The following HDX variants were observed in gnomAD, a reference collection of about 807,000 sequenced individuals.
The protein encoded by HDX is highly divergent homeobox, also known as chromosome X open reading frame 43.
A neutral mutation model predicts 45.2 loss-of-function variants in HDX; 19 were observed. The observed-to-expected ratio is 0.42, with a 90% CI of 0.29 to 0.62. HDX has a LOEUF of 0.62. Among genes scored for constraint, HDX ranks in the 20% least tolerant of loss-of-function variants. The probability of loss-of-function intolerance (pLI) is 0.20; values close to 1 mark genes in which losing one functional copy is unlikely to be tolerated. For synonymous variants in HDX, 188 were observed against 172.8 expected (o/e 1.09, Z -0.69); for missense variants, 532 against 493.9 (o/e 1.08, Z -0.73).
chrX:84,501,852 T>A (rs1425937509), intron 1 of HDX, among the ~76,000 whole-genome samples: 2 of 110,984 alleles, frequency 1.8e-5, no homozygotes, highest in African/African-American at 6.7e-5. Context: ...ACAGCGCCTG[T>A]GCAAACTCCA....
chrX:84,440,965 G>T (rs1030260828), intron 4 of HDX, among the ~76,000 whole-genome samples: 2 of 109,356 alleles, frequency 1.8e-5, no homozygotes, highest in Non-Finnish European at 3.8e-5. Flanking sequence ...CGTATCCACA[G>T]ATAATATACT....
intron 3 of HDX, 83 bp from the exon 4 acceptor site, chrX:84,469,658 T>C: frequency 1.2e-6 from 1 of 802,567 alleles, no homozygotes; most frequent in South Asian, 3.1e-5. Context: ...ACATTATATT[T>C]TCATTTGTCT....
At chrX:84,406,506 A>G (rs1266893574) in intron 5 of HDX, among the ~76,000 whole-genome samples, 3 of 66,647 alleles carry the variant, frequency 4.5e-5, no homozygotes, top group African/African-American at 9.8e-5. Flanking sequence ...ACACATACAC[A>G]CACACACACA....
intron 1 of HDX, among the ~76,000 whole-genome samples, chrX:84,496,159 A>G (rs1441319242): frequency 8.9e-6 from 1 of 112,056 alleles, no homozygotes; most frequent in Non-Finnish European, 1.9e-5. Context: ...TTTTCTCTTA[A>G]TGATACAATG....
chrX:84,421,873 T>C (rs1823067921), intron 5 of HDX, among the ~76,000 whole-genome samples: 1 of 111,339 alleles, frequency 9.0e-6, no homozygotes. Flanking sequence ...AATTAAAATA[T>C]ATATGAACCC....
At chrX:84,479,042 G>A (rs1351457296) in intron 2 of HDX, among the ~76,000 whole-genome samples, 1 of 111,737 alleles carries the variant, frequency 8.9e-6, no homozygotes, top group African/African-American at 3.3e-5. Context: ...CAACATGTCT[G>A]TATTAATATT....
intron 5 of HDX, among the ~76,000 whole-genome samples, chrX:84,388,833 G>T (rs1162841036): frequency 1.8e-5 from 2 of 111,925 alleles, no homozygotes; most frequent in East Asian, 2.8e-4. Context: ...AAGAACCATT[G>T]CTGGGGAGCT....
chrX:84,377,056 A>C (rs2038074605), intron 5 of HDX, among the ~76,000 whole-genome samples: 1 of 112,252 alleles, frequency 8.9e-6, no homozygotes, highest in Admixed American at 9.4e-5. Flanking sequence ...AAAGAGAAAG[A>C]CTGACCTCGT....
At chrX:84,362,500 C>T (rs1466120720) in intron 5 of HDX, among the ~76,000 whole-genome samples, 1 of 110,000 alleles carries the variant, frequency 9.1e-6, no homozygotes, top group Non-Finnish European at 1.9e-5. Flanking sequence ...AATCTAAACA[C>T]AGGCTTTAAT....
intron 5 of HDX, among the ~76,000 whole-genome samples, chrX:84,394,257 T>C (rs947904564): frequency 1.8e-5 from 2 of 111,791 alleles, no homozygotes; most frequent in Admixed American, 1.9e-4. Context: ...ATTGATCCAA[T>C]AGTCCAAATT....
intron 5 of HDX, among the ~76,000 whole-genome samples, chrX:84,378,002 G>A (rs770269005): frequency 3.5e-4 from 39 of 111,120 alleles, no homozygotes; most frequent in Non-Finnish European, 7.2e-4. Context: ...TATCCTAAGA[G>A]CAGCAAGAGA....
chrX:84,418,688 G>A (rs1339231374), intron 5 of HDX, among the ~76,000 whole-genome samples: 2 of 111,317 alleles, frequency 1.8e-5, no homozygotes, highest in African/African-American at 6.5e-5. Flanking sequence ...GGTAGTCTAG[G>A]TCATAAAGAC....
intron 5 of HDX, among the ~76,000 whole-genome samples, chrX:84,406,977 G>T (rs1329035206): frequency 9.0e-6 from 1 of 110,727 alleles, no homozygotes; most frequent in African/African-American, 3.3e-5. Context: ...CAGCCAAACA[G>T]AACTTATCAC....
chrX:84,447,051 C>T (rs188273685), intron 4 of HDX, among the ~76,000 whole-genome samples: 27 of 111,911 alleles, frequency 2.4e-4, no homozygotes, highest in Non-Finnish European at 1.9e-5. Context: ...GTGAACAAAG[C>T]TCATGAAAAC....
chrX:84,338,931 C>T (rs1274097489), intron 7 of HDX, among the ~76,000 whole-genome samples: 1 of 111,315 alleles, frequency 9.0e-6, no homozygotes, highest in Non-Finnish European at 1.9e-5. Flanking sequence ...GCCTGCTTCC[C>T]TTTCACCTTC....
At chrX:84,384,031 G>A (rs1206691199) in intron 5 of HDX, among the ~76,000 whole-genome samples, 1 of 110,700 alleles carries the variant, frequency 9.0e-6, no homozygotes, top group Non-Finnish European at 1.9e-5. Flanking sequence ...TGTCTTCTCG[G>A]TAGAGCAATT....
intron 2 of HDX, among the ~76,000 whole-genome samples, chrX:84,478,243 T>G (rs181578631): frequency 6.2e-5 from 7 of 112,198 alleles, no homozygotes; most frequent in African/African-American, 1.9e-4. Flanking sequence ...TAAGATTCAG[T>G]ATTTTAATGA....
At chrX:84,344,821 A>C (rs1418614161) in intron 6 of HDX, among the ~76,000 whole-genome samples, 1 of 111,055 alleles carries the variant, frequency 9.0e-6, no homozygotes, top group Non-Finnish European at 1.9e-5. Flanking sequence ...TAGCAGAAAG[A>C]AGGTATTTAT....
chrX:84,476,544 CAAAAAAAAAA>C (rs376973856), intron 2 of HDX, among the ~76,000 whole-genome samples: 1 of 38,063 alleles, frequency 2.6e-5, no homozygotes, highest in African/African-American at 8.6e-5. Flanking sequence ...AACTCTGTCT[CAAAAAAAAAA>C]AAAAAAAAAG....
Sources: allele counts gnomAD v4.1 joint callset (sites outside exome capture counted in the v4.1 genomes callset), GRCh38; gene constraint gnomAD v4.1.1; transcripts MANE v1.5; gene names NCBI Gene and HGNC (gene_info 2026-07-23, HGNC 2026-07-21).